BCL11B: variants seen among roughly 807,000 people sequenced by gnomAD.
The protein encoded by BCL11B is BCL11 transcription factor B, also known as B-cell lymphoma/leukemia 11B.
Under a neutral mutation model 49.9 loss-of-function variants are expected in BCL11B, and 8 were observed. The ratio of observed to expected loss-of-function variants is 0.16; its 90% confidence interval spans 0.09 to 0.29. BCL11B has a LOEUF of 0.29. BCL11B is among the 10% of genes least tolerant of loss of function. BCL11B has a pLI of 1.00. For missense variants in BCL11B, 1,006 were observed against 1,351.0 expected (o/e 0.74, Z 4.00); for synonymous variants, 739 against 637.4 (o/e 1.16, Z -2.40).
intron 3 of BCL11B, among the ~76,000 whole-genome samples, chr14:99,209,399 G>A (rs1887625528): frequency 6.6e-6 from 1 of 152,010 alleles, no homozygotes; most frequent in African/African-American, 2.4e-5. Flanking sequence ...GCCCTGGGGT[G>A]TAATCCATGG....
intron 3 of BCL11B, among the ~76,000 whole-genome samples, chr14:99,176,833 C>T (rs1384459181): frequency 6.6e-6 from 1 of 152,088 alleles, no homozygotes; most frequent in Non-Finnish European, 1.5e-5. Context: ...GCAAGATCAC[C>T]GACCCCTTTG....
intron 2 of BCL11B, among the ~76,000 whole-genome samples, chr14:99,250,680 C>T (rs1184561030): frequency 2.0e-5 from 3 of 152,180 alleles, no homozygotes; most frequent in Non-Finnish European, 4.4e-5. Context: ...TAACTATTTA[C>T]TGTCAAATAG....
intron 2 of BCL11B, among the ~76,000 whole-genome samples, chr14:99,233,629 G>A (rs1292579668): frequency 6.6e-6 from 1 of 152,192 alleles, no homozygotes; most frequent in Admixed American, 6.5e-5. Context: ...CTAAGAAGCT[G>A]ACTCTGTCTC....
intron 3 of BCL11B, among the ~76,000 whole-genome samples, chr14:99,226,119 G>A (rs1413000999): frequency 1.3e-5 from 2 of 152,226 alleles, no homozygotes; most frequent in Non-Finnish European, 2.9e-5. Context: ...TGGGACCACC[G>A]GCCCTTGGGC....
At chr14:99,263,608 G>A (rs1254061417) in intron 1 of BCL11B, among the ~76,000 whole-genome samples, 2 of 152,196 alleles carry the variant, frequency 1.3e-5, no homozygotes, top group African/African-American at 4.8e-5. Flanking sequence ...ATTGTTTGCA[G>A]GACTCCAGCC....
intron 3 of BCL11B, among the ~76,000 whole-genome samples, chr14:99,225,265 C>T (rs1392862088): frequency 6.6e-6 from 1 of 152,220 alleles, no homozygotes; most frequent in Non-Finnish European, 1.5e-5. Flanking sequence ...CACTCTCTGC[C>T]TTGGTTTCCC....
At chr14:99,224,993 G>C (rs965098262) in intron 3 of BCL11B, among the ~76,000 whole-genome samples, 4 of 152,164 alleles carry the variant, frequency 2.6e-5, no homozygotes, top group African/African-American at 9.7e-5. Flanking sequence ...TGTCTGGTGG[G>C]CTCCCACTGC....
Position 99,257,121 on chromosome 14 carries a change from T to C in BCL11B, c.427+350A>G, listed in dbSNP as rs913161986. The stretch of plus-strand genomic sequence containing the variant: ...GAAGACAAACTCTAACCCAAAACTG[T>C]CTGGCTTCAAAATCAGGGACTAAGC... On this transcript the variant is annotated intron_variant, in intron 2 of 3. Transcript: ENST00000357195. The surrounding 1 kb of genome is among the most constrained non-coding windows in gnomAD (Gnocchi z 6.2). 2.0e-5 allele frequency among the ~76,000 whole-genome samples: 3 copies of C among 152,032 alleles called. No homozygotes were observed. The highest frequency in any genetic ancestry group is 2.9e-5 in the Non-Finnish European group (2 of 68,012).
intron 1 of BCL11B, among the ~76,000 whole-genome samples, chr14:99,259,392 C>T (rs117998636): frequency 6.6e-6 from 1 of 152,162 alleles, no homozygotes; most frequent in Non-Finnish European, 1.5e-5. Flanking sequence ...GAACACGAGC[C>T]TATGCAGGGC....
At chr14:99,187,260 G>A (rs554180245) in intron 3 of BCL11B, among the ~76,000 whole-genome samples, 4 of 152,290 alleles carry the variant, frequency 2.6e-5, no homozygotes, top group South Asian at 4.2e-4. Context: ...TGGAAGAGCC[G>A]GGGCAGGACG....
Position 99,192,497 on chromosome 14 carries a change from A to G in BCL11B, c.641-16302T>C, listed in dbSNP as rs1887061480. Among the ~76,000 whole-genome samples, 1 of 152,160 alleles carries G rather than the reference A, an allele frequency of 6.6e-6. No homozygotes were observed. Among genetic ancestry groups the G allele is most frequent in the African/African-American group, 2.4e-5 (1 of 41,424 alleles). ...ACAATGCCGGCACGTTCTGGAGACCACAGCGCGCTACCTTTCACCTCGTCC... is the reference window on the plus strand; with the variant it reads ...ACAATGCCGGCACGTTCTGGAGACCGCAGCGCGCTACCTTTCACCTCGTCC... On this transcript the variant is annotated intron_variant, in intron 3 of 3. Transcript: ENST00000357195. This position sits in a 1 kb window ranked among gnomAD's most constrained non-coding sequence, Gnocchi z 4.0.
chr14:99,257,706 G>T lies in BCL11B; in HGVS notation c.192C>A (p.Asn64Lys). ...AAACCAGGATGTCCCCCAAGGGGAA[G>T]TTCATTTGACACTGGCCACAGGTGA... is the stretch of plus-strand genomic sequence containing the variant. ...DLLTCGQCQM[N>K]FPLGDILVFI... The change falls in exon 2 of 4, where the codon AAC becomes AAA. Residue 64 changes from asparagine to lysine, a missense_variant. Physicochemically the swap from Asn to Lys is moderately conservative, Grantham distance 94 (BLOSUM62 0). Around this residue, in one of 6 missense-constraint regions of BCL11B, gnomAD observed 411 missense variants for 542.2 expected, o/e 0.76. Coordinates refer to ENST00000357195, the MANE Select transcript of BCL11B (RefSeq NM_138576.4). The surrounding 1 kb of genome is among the most constrained non-coding windows in gnomAD (Gnocchi z 6.2). 3 of 1,612,660 alleles carry T rather than the reference G, an allele frequency of 1.9e-6. No homozygotes were observed. The highest frequency in any genetic ancestry group is 2.5e-6 in the Non-Finnish European group (3 of 1,179,062).
chr14:99,233,846 T>C (rs994778583), intron 2 of BCL11B, among the ~76,000 whole-genome samples: 2 of 152,024 alleles, frequency 1.3e-5, no homozygotes, highest in Non-Finnish European at 2.9e-5. Flanking sequence ...CTTGCTGAAG[T>C]CCACCTGCTC....
chr14:99,225,029 A>G (rs1354604805), intron 3 of BCL11B, among the ~76,000 whole-genome samples: 1 of 152,108 alleles, frequency 6.6e-6, no homozygotes, highest in Non-Finnish European at 1.5e-5. Context: ...AGTCCAAGGC[A>G]CCCAACGTGG....
rs769600454 is a variant in BCL11B at position 99,228,915 on chromosome 14, AATGGATGGATGG to A, written c.640+2418_640+2429del. Among the ~76,000 whole-genome samples the A allele has an allele frequency of 6.6e-6, 1 of 152,100 alleles. No individual in the cohort carries two copies. The highest frequency in any genetic ancestry group is 1.9e-4 in the East Asian group (1 of 5,182). On this transcript the variant is annotated intron_variant, in intron 3 of 3. Coordinates refer to ENST00000357195, the MANE Select transcript of BCL11B (RefSeq NM_138576.4). The surrounding 1 kb of genome is among the most constrained non-coding windows in gnomAD (Gnocchi z 4.8). ...ATGGCTTCAAGCTAAAGAATGAATA[AATGGATGGATGG>A]ATGGATGGATGAACGGATGGGTGGA...
At chr14:99,182,246 A>G (rs1048104136) in intron 3 of BCL11B, among the ~76,000 whole-genome samples, 1 of 152,188 alleles carries the variant, frequency 6.6e-6, no homozygotes, top group Non-Finnish European at 1.5e-5. Context: ...CAAGGACCTC[A>G]CATGCTGCTC....
In BCL11B at chr14:99,174,841, G is replaced by T; in HGVS notation, c.1995C>A (p.Phe665Leu). The T allele has an allele frequency of 1.5e-6, 2 of 1,312,632 alleles. No homozygotes were observed. The highest frequency in any genetic ancestry group is 1.9e-6 in the Non-Finnish European group (2 of 1,031,592). The allele number at this position is 1,312,632 out of a possible 1,614,324, so 81.3% of individuals were successfully genotyped here. A position where few individuals can be genotyped will look rare whatever the true frequency, so the allele number is the denominator to read the frequency against. ...GGGFAPGTEP[F>L]PGLFPRKPAP... ...CGGGCTTGCGCGGGAAGAGCCCGGG[G>T]AAGGGCTCGGTGCCTGGCGCGAAGC... is the stretch of plus-strand genomic sequence containing the variant. Residue 665 changes from phenylalanine to leucine, a missense_variant, in exon 4 of 4, where the codon TTC becomes TTA. Transcript: ENST00000357195.
In BCL11B at chr14:99,241,693, C is replaced by T. The variant is rs1370360698; in HGVS notation, c.428-10136G>A. ...GGACGATGTCGCTTTTTTCCCCCTT[C>T]CCTAAGTGCATTTTAATACCCTTAT... On this transcript the variant is annotated intron_variant, in intron 2 of 3. Coordinates refer to ENST00000357195, the MANE Select transcript of BCL11B (RefSeq NM_138576.4). The surrounding 1 kb of genome is among the most constrained non-coding windows in gnomAD (Gnocchi z 4.4). 2.0e-5 allele frequency among the ~76,000 whole-genome samples: 3 copies of T among 151,988 alleles called. No individual in the cohort carries two copies. The highest frequency in any genetic ancestry group is 7.3e-5 in the African/African-American group (3 of 41,352).
At position 99,175,333 on chromosome 14, in the gene BCL11B, G is replaced by A; in HGVS notation, c.1503C>T (p.Gly501=). 1.9e-6 allele frequency: 3 copies of A among 1,550,394 alleles called. No individual in the cohort carries two copies. Among genetic ancestry groups the A allele is most frequent in the East Asian group, 2.4e-5 (1 of 41,684 alleles). ...GGCCCTCGCCCGCCAGCTCGCTGGT[G>A]CCGGGCTCGGGGGAGCTGGCGGCCG... ...GLSAASSPEP[G]TSELAGEGLK... is the part of the protein sequence containing the mutation. The change falls in exon 4 of 4, where the codon GGC becomes GGT. Residue 501 remains glycine (G), a synonymous_variant. Coordinates refer to ENST00000357195, the MANE Select transcript of BCL11B (RefSeq NM_138576.4).
Sources: gnomAD v4.1 joint callset for allele counts (sites outside exome capture counted in the v4.1 genomes callset) on GRCh38, gnomAD v4.1.1 for gene constraint, gnomAD v4.1.1 regional missense constraint, Gnocchi (gnomAD v3.1) non-coding constraint, MANE v1.5 for transcripts, NCBI Gene and HGNC (gene_info 2026-07-23, HGNC 2026-07-21) for gene names.